Variants in UNC79 observed in about 807,000 individuals in gnomAD.
UNC79 encodes protein unc-79 homolog.
UNC79 carries 37 observed loss-of-function variants against 283.1 expected under a neutral mutation model. That is an observed-to-expected ratio of 0.13 (90% CI 0.10 to 0.17). The LOEUF (loss-of-function observed/expected upper bound fraction) is 0.17, where lower values mean the gene tolerates loss of function less well. UNC79 is among the 10% of genes least tolerant of loss of function. UNC79 has a pLI of 1.00. For synonymous variants in UNC79, 1,107 were observed against 1,200.2 expected (o/e 0.92, Z 1.61); for missense variants, 2,272 against 3,211.1 (o/e 0.71, Z 7.07).
intron 32 of UNC79, among the ~76,000 whole-genome samples, chr14:93,638,608 G>C (rs2068723314): frequency 6.6e-6 from 1 of 152,188 alleles, no homozygotes; most frequent in African/African-American, 2.4e-5. Flanking sequence ...CAGCTTCAAA[G>C]TTGGGCTCTG....
chr14:93,588,781 G>T (rs941666762), intron 22 of UNC79, among the ~76,000 whole-genome samples: 1 of 144,696 alleles, frequency 6.9e-6, no homozygotes, highest in African/African-American at 2.6e-5. Context: ...GAGAAAATCC[G>T]AACATATTTA....
chr14:93,580,058 C>A, intron 18 of UNC79, 91 bp from the exon 19 acceptor site: 1 of 1,124,048 alleles, frequency 8.9e-7, no homozygotes. Flanking sequence ...AAGTAGTGTG[C>A]CAATGGAATA....
chr14:93,600,477 A>G (rs1332036042), intron 24 of UNC79, 92 bp from the exon 25 acceptor site: 2 of 861,278 alleles, frequency 2.3e-6, no homozygotes, highest in African/African-American at 1.7e-5. Context: ...GCCTTGTTTC[A>G]TTGACTTTGC....
Position 93,353,752 on chromosome 14 carries a change from G to A in UNC79, c.-351+20229G>A, listed in dbSNP as rs1045539547. Among the ~76,000 whole-genome samples, 2 of 152,144 alleles carry A rather than the reference G, an allele frequency of 1.3e-5. 1 individual carries two copies. The highest frequency in any genetic ancestry group is 2.9e-5 in the Non-Finnish European group (2 of 68,018). The stretch of plus-strand genomic sequence containing the variant: ...AGTGATTCGTTCAATATTTGATCAC[G>A]TTTGGACACTTACTGTACACCACTG... On this transcript the variant is annotated intron_variant, in intron 1 of 49. Transcript: ENST00000256339.
chr14:93,365,059 C>G (rs901473896), intron 1 of UNC79, among the ~76,000 whole-genome samples: 2 of 151,642 alleles, frequency 1.3e-5, no homozygotes, highest in Non-Finnish European at 2.9e-5. Flanking sequence ...ATAGGGAGAC[C>G]CTATCTCTAC....
At chr14:93,425,763 T>G (rs752392043), upstream of UNC79, among the ~76,000 whole-genome samples, 275 of 152,314 alleles carry the variant, frequency 1.8e-3, no homozygotes, top group Non-Finnish European at 2.5e-3. Context: ...ACTTTAAAAC[T>G]TTTAGAATGA....
At chr14:93,572,138 G>A in intron 15 of UNC79, 54 bp downstream of exon 15, 1 of 1,579,274 alleles carries the variant, frequency 6.3e-7, no homozygotes, top group South Asian at 1.2e-5. Flanking sequence ...CTAACGTTTG[G>A]TGAGCATGTA....
chr14:93,523,728 A>T (rs2060425501), intron 7 of UNC79, among the ~76,000 whole-genome samples: 1 of 152,208 alleles, frequency 6.6e-6, no homozygotes, highest in African/African-American at 2.4e-5. Context: ...TTGAAAACTT[A>T]TTAATGGCAT....
chr14:93,540,974 T>A, intron 13 of UNC79, 143 bp downstream of exon 13: 1 of 1,010,928 alleles, frequency 9.9e-7, no homozygotes, highest in Non-Finnish European at 1.4e-6. Context: ...TGGCAATAGC[T>A]GTCAATCCTG....
At chr14:93,381,069 C>T (rs1158207394) in intron 1 of UNC79, among the ~76,000 whole-genome samples, 1 of 152,090 alleles carries the variant, frequency 6.6e-6, no homozygotes, top group Non-Finnish European at 1.5e-5. Flanking sequence ...AAAACAAATA[C>T]ATGGAATGGA....
At chr14:93,467,684 C>T (rs1349485663) in exon 2 of UNC79, 2 of 614,170 alleles carry the variant, frequency 3.3e-6, no homozygotes, top group Admixed American at 5.5e-5. Flanking sequence ...CTTCCAAGAT[C>T]CGGTACTTGC....
chr14:93,615,581 G>T (rs577355116), intron 27 of UNC79, among the ~76,000 whole-genome samples: 51 of 151,800 alleles, frequency 3.4e-4, no homozygotes, highest in African/African-American at 1.1e-3. Flanking sequence ...AATTAGCTGG[G>T]TGTGGTGCCA....
At chr14:93,571,689 G>A (rs201608449) in intron 14 of UNC79, among the ~76,000 whole-genome samples, 9 of 152,118 alleles carry the variant, frequency 5.9e-5, no homozygotes, top group East Asian at 5.8e-4. Context: ...GAGCCTATTC[G>A]TAACTATGTT....
rs549422780 is a variant in UNC79, at chr14:93,387,658, A to G, written c.-351+54135A>G. ...TTTAAGACTTATTTTGTGAACTAAC[A>G]CATGGTCCTTCCTTGAGAATGATCC... On this transcript the variant is annotated intron_variant, in intron 1 of 49. Coordinates refer to the UNC79 transcript ENST00000256339. 2.0e-5 allele frequency among the ~76,000 whole-genome samples: 3 copies of G among 152,370 alleles called. No homozygotes were observed. In the East Asian group the frequency reaches 5.8e-4, roughly 29 times the overall value.
At chr14:93,477,298 A>G (rs2057858054) in intron 3 of UNC79, among the ~76,000 whole-genome samples, 1 of 152,238 alleles carries the variant, frequency 6.6e-6, no homozygotes, top group Non-Finnish European at 1.5e-5. Context: ...ACCAAGTATT[A>G]TTGAAGATTG....
At chr14:93,453,753 C>G (rs1400527329) in intron 1 of UNC79, among the ~76,000 whole-genome samples, 4 of 152,152 alleles carry the variant, frequency 2.6e-5, no homozygotes, top group South Asian at 4.1e-4. Context: ...CCAGTTGCAT[C>G]AAAATAGAAT....
chr14:93,434,878 G>T (rs886965976), intron 1 of UNC79, among the ~76,000 whole-genome samples: 4 of 152,124 alleles, frequency 2.6e-5, no homozygotes, highest in Admixed American at 6.5e-5. Flanking sequence ...TATGCTTGCT[G>T]CCAAAATGGA....
intron 19 of UNC79, 59 bp from the exon 20 acceptor site, chr14:93,582,144 A>C: frequency 1.2e-5 from 19 of 1,611,956 alleles, no homozygotes; most frequent in Middle Eastern, 1.7e-4. Context: ...GAGCTGAGCA[A>C]ACCGTTCCTG....
intron 24 of UNC79, among the ~76,000 whole-genome samples, chr14:93,599,247 T>C (rs930915138): frequency 1.3e-5 from 2 of 152,300 alleles, no homozygotes; most frequent in Non-Finnish European, 2.9e-5. Flanking sequence ...ATTTTATGGA[T>C]AGAGATGCTG....
Sources: allele counts gnomAD v4.1 joint callset (sites outside exome capture counted in the v4.1 genomes callset), GRCh38; gene constraint gnomAD v4.1.1; transcripts MANE v1.5; gene names NCBI Gene and HGNC (gene_info 2026-07-23, HGNC 2026-07-21).